The following TTLL8 variants were observed in gnomAD, a reference collection of about 807,000 sequenced individuals.
TTLL8 encodes protein monoglycylase TTLL8.
TTLL8 carries 65 observed loss-of-function variants against 77.8 expected under a neutral mutation model. The ratio of observed to expected loss-of-function variants is 0.84; its 90% CI spans 0.68 to 1.03. The LOEUF (loss-of-function observed/expected upper bound fraction) is 1.03, where lower values mean the gene tolerates loss of function less well. TTLL8 is among the 50% of genes least tolerant of loss of function. TTLL8 has a pLI of 0.00. For synonymous variants in TTLL8, 402 were observed against 422.8 expected, an observed-to-expected ratio of 0.95 and a Z score of 0.60; for missense variants, 910 against 1,004.5, an observed-to-expected ratio of 0.91 and a Z score of 1.27.
intron 8 of TTLL8, among the ~76,000 whole-genome samples, chr22:50,035,711 T>C (rs559629425): frequency 6.6e-6 from 1 of 152,284 alleles, no homozygotes; most frequent in African/African-American, 2.4e-5. Flanking sequence ...CTAAATAGGG[T>C]GGGTCACCCA....
At chr22:50,055,448 G>A, upstream of TTLL8, 3 of 530,530 alleles carry the variant, frequency 5.7e-6, no homozygotes, top group Non-Finnish European at 8.8e-6. Context: ...GAGGCCAGGA[G>A]TTCGAGACCA....
chr22:50,027,877 C>T (rs773974147), intron 12 of TTLL8: 37 of 888,922 alleles, frequency 4.2e-5, no homozygotes, highest in African/African-American at 7.2e-5. Context: ...AGGGCCTGAC[C>T]GCGAAACGCT....
intron 8 of TTLL8, among the ~76,000 whole-genome samples, chr22:50,036,235 G>T (rs1014854968): frequency 6.6e-6 from 1 of 152,188 alleles, no homozygotes; most frequent in Non-Finnish European, 1.5e-5. Flanking sequence ...GGCAGCAGCC[G>T]GGAATCTCCC....
At chr22:50,055,643 G>A (rs746037081), upstream of TTLL8, among the ~76,000 whole-genome samples, 1 of 134,742 alleles carries the variant, frequency 7.4e-6, no homozygotes, top group South Asian at 2.4e-4. Flanking sequence ...CAACAAGAGC[G>A]AAACTCTGTC....
In TTLL8 at chr22:50,045,881, G is replaced by A. The variant is rs756474612; in HGVS notation, c.483C>T (p.Thr161=). 1.5e-5 allele frequency: 21 copies of A among 1,357,718 alleles called. No individual in the cohort carries two copies. The Middle Eastern group carries it at 6.3e-4, about 41-fold the overall frequency. The allele number at this position is 1,357,718 out of a possible 1,614,324, so 84.1% of individuals were successfully genotyped here. Residue 161 remains threonine (T), a synonymous_variant, in exon 5 of 14, where the codon ACC becomes ACT. Coordinates refer to ENST00000266182, the Ensembl canonical transcript of TTLL8. ...CCAGGAACTCCTGCTGCTCACTCTCGGTGCAGAGGCTGTAGCAGCGTGGGA... is the reference window on the plus strand; with the variant it reads ...CCAGGAACTCCTGCTGCTCACTCTCAGTGCAGAGGCTGTAGCAGCGTGGGA...
chr22:50,047,422 T>G, intron 3 of TTLL8, 126 bp from the exon 6 acceptor site: 2 of 728,374 alleles, frequency 2.7e-6, no homozygotes, highest in Admixed American at 2.6e-5. Flanking sequence ...CGGGCTCTGC[T>G]GCAGGCAGTA....
At chr22:50,025,989 C>T (rs2061227821) in intron 12 of TTLL8, among the ~76,000 whole-genome samples, 2 of 152,136 alleles carry the variant, frequency 1.3e-5, no homozygotes, top group South Asian at 4.2e-4. Context: ...AAAGCAAAAC[C>T]CAAGCATCCT....
intron 8 of TTLL8, among the ~76,000 whole-genome samples, chr22:50,035,338 C>T (rs978896658): frequency 5.9e-5 from 9 of 152,178 alleles, no homozygotes; most frequent in Non-Finnish European, 8.8e-5. Flanking sequence ...CACAGGACAT[C>T]GGGGTTCCAT....
chr22:50,056,857 C>A, upstream of TTLL8: 1 of 1,289,714 alleles, frequency 7.8e-7, no homozygotes, highest in Non-Finnish European at 1.0e-6. This position sits in a 1 kb window ranked among gnomAD's most constrained non-coding sequence, Gnocchi z 4.1. Context: ...ACAGGCAATA[C>A]ACGATACCCA....
chr22:50,031,013 C>T (rs960408322), intron 11 of TTLL8, 88 bp from the exon 13 acceptor site: 15 of 1,160,012 alleles, frequency 1.3e-5, no homozygotes, highest in East Asian at 6.2e-5. Flanking sequence ...AGGGGCTGGT[C>T]GGGGCACAGA....
exon 1 of TTLL8, chr22:50,054,601 G>T (rs1293270900): frequency 8.1e-6 from 2 of 246,464 alleles, no homozygotes; most frequent in Non-Finnish European, 1.9e-5. Flanking sequence ...GTACCTGGAA[G>T]TCTGTTTCCC....
chr22:50,021,343 T>TG (rs2061197882), intron 12 of TTLL8, among the ~76,000 whole-genome samples: 1 of 135,700 alleles, frequency 7.4e-6, no homozygotes, highest in African/African-American at 2.8e-5. Context: ...CTCCATCTGA[T>TG]ATGCACTCCT....
At chr22:50,037,891 C>G (rs1232586601) in intron 8 of TTLL8, among the ~76,000 whole-genome samples, 1 of 151,986 alleles carries the variant, frequency 6.6e-6, no homozygotes, top group Non-Finnish European at 1.5e-5. Context: ...ATTCCTCCTG[C>G]CCCCCAACAA....
upstream of TTLL8, chr22:50,055,200 T>TC: frequency 7.8e-7 from 1 of 1,280,310 alleles, no homozygotes; most frequent in African/African-American, 1.5e-5. Flanking sequence ...TAAAAAAGTG[T>TC]CCCCCTCCCC....
At chr22:50,053,274 A>C (rs1446577962) in intron 1 of TTLL8, among the ~76,000 whole-genome samples, 1 of 152,196 alleles carries the variant, frequency 6.6e-6, no homozygotes, top group Non-Finnish European at 1.5e-5. Context: ...AAATTAACAA[A>C]ATGTTAGGCG....
Position 50,028,622 on chromosome 22 carries a change from AC to A in TTLL8, c.2203+1807del, listed in dbSNP as rs1444244623. 6.0e-3 allele frequency among the ~76,000 whole-genome samples: 484 copies of A among 80,244 alleles called. 5 individuals are homozygous for A. The highest frequency in any genetic ancestry group is 0.015 in the South Asian group (26 of 1,780). 52.6% of individuals were successfully genotyped at this position (80,244 alleles called of 152,430 possible). ...AGACCCCCATCACACCGTCCTGAAG[AC>A]CCCCACATACCCTCGTAAAGACCCC... On this transcript the variant is annotated intron_variant, in intron 12 of 13. Coordinates refer to ENST00000266182, the Ensembl canonical transcript of TTLL8.
chr22:50,057,984 T>A (rs1396623856), upstream of TTLL8, among the ~76,000 whole-genome samples: 1 of 150,114 alleles, frequency 6.7e-6, no homozygotes, highest in Non-Finnish European at 1.5e-5. Context: ...CTGGGATTCC[T>A]AGGGTAAGGG....
chr22:50,052,527 T>C (rs960602426), intron 1 of TTLL8, among the ~76,000 whole-genome samples: 7 of 151,994 alleles, frequency 4.6e-5, no homozygotes, highest in African/African-American at 1.7e-4. Context: ...CCTGAATACA[T>C]CAACGGTTTA....
intron 8 of TTLL8, among the ~76,000 whole-genome samples, chr22:50,035,303 G>T (rs1023583871): frequency 7.9e-5 from 12 of 152,336 alleles, no homozygotes; most frequent in South Asian, 2.1e-4. Flanking sequence ...GCCGGCCTGG[G>T]CTGGGGTGGG....
Sources: gnomAD v4.1 joint callset for allele counts (sites outside exome capture counted in the v4.1 genomes callset) on GRCh38, gnomAD v4.1.1 for gene constraint, Gnocchi (gnomAD v3.1) non-coding constraint, MANE v1.5 for transcripts, NCBI Gene and HGNC (gene_info 2026-07-23, HGNC 2026-07-21) for gene names.